The following RBPJ variants were observed in gnomAD, a reference collection of about 807,000 sequenced individuals.
RBPJ encodes recombination signal binding protein for immunoglobulin kappa J region.
A neutral mutation model predicts 67.8 loss-of-function variants in RBPJ; 9 were observed. The ratio of observed to expected loss-of-function variants is 0.13; its 90% CI spans 0.08 to 0.23. The LOEUF (loss-of-function observed/expected upper bound fraction) is 0.23. RBPJ is among the 10% of genes least tolerant of loss of function. The pLI is 1.00. For synonymous variants in RBPJ, 198 were observed against 203.3 expected (o/e 0.97, Z 0.22); for missense variants, 305 against 595.6 (o/e 0.51, Z 5.08).
intron 2 of RBPJ, among the ~76,000 whole-genome samples, chr4:26,393,996 A>G (rs1731826603): frequency 6.6e-6 from 1 of 151,808 alleles, no homozygotes; most frequent in Non-Finnish European, 1.5e-5. Flanking sequence ...CTCGTTAATA[A>G]TATATACTAT....
intron 1 of RBPJ, among the ~76,000 whole-genome samples, chr4:26,368,456 T>G (rs1728836973): frequency 6.6e-6 from 1 of 152,202 alleles, no homozygotes; most frequent in African/African-American, 2.4e-5. Context: ...TCATACTGGT[T>G]ATCCTGTTGG....
intron 2 of RBPJ, among the ~76,000 whole-genome samples, chr4:26,403,469 T>C (rs1459617457): frequency 6.6e-6 from 1 of 152,192 alleles, no homozygotes; most frequent in African/African-American, 2.4e-5. Context: ...GTTTGTTGAT[T>C]ATTTCATCAC....
chr4:26,238,929 A>G (rs920419837), intron 1 of RBPJ, among the ~76,000 whole-genome samples: 2 of 152,136 alleles, frequency 1.3e-5, no homozygotes, highest in Non-Finnish European at 2.9e-5. Context: ...ACAGAGATCA[A>G]CGCTCCAGGC....
At chr4:26,219,397 T>C (rs1176589720) in intron 1 of RBPJ, among the ~76,000 whole-genome samples, 1 of 152,172 alleles carries the variant, frequency 6.6e-6, no homozygotes, top group Non-Finnish European at 1.5e-5. Context: ...AAGGAAAATA[T>C]GTTGGTGCTA....
intron 1 of RBPJ, among the ~76,000 whole-genome samples, chr4:26,282,136 CTTTT>C (rs869155604): frequency 0.049 from 2,539 of 51,700 alleles, 23 homozygotes; most frequent in Middle Eastern, 0.19. Context: ...CTCTCTCTCT[CTTTT>C]TTTTTTTTTT....
intron 2 of RBPJ, among the ~76,000 whole-genome samples, chr4:26,397,060 T>C (rs1732193778): frequency 6.6e-6 from 1 of 152,250 alleles, no homozygotes; most frequent in South Asian, 2.1e-4. Flanking sequence ...TCTGGTCTAA[T>C]AGCTTGGAAA....
intron 1 of RBPJ, among the ~76,000 whole-genome samples, chr4:26,364,465 C>A (rs1560296280): frequency 1.3e-5 from 2 of 152,112 alleles, no homozygotes; most frequent in Non-Finnish European, 2.9e-5. Context: ...AAAATTGTTT[C>A]TTTATAATAC....
intron 1 of RBPJ, among the ~76,000 whole-genome samples, chr4:26,356,311 G>A (rs1410383957): frequency 2.0e-5 from 3 of 152,218 alleles, no homozygotes; most frequent in African/African-American, 7.2e-5. Flanking sequence ...GCTCTGTGTA[G>A]CTACTGCCAT....
chr4:26,322,739 C>T (rs912844347), intron 1 of RBPJ: 4 of 150,864 alleles, frequency 2.7e-5, no homozygotes, highest in Admixed American at 6.6e-5. Context: ...GTTAAAGAAC[C>T]CTTGAAGTGT....
the RBPJ span, among the ~76,000 whole-genome samples, chr4:26,150,394 A>G: frequency 1.3e-5 from 2 of 152,244 alleles, no homozygotes; most frequent in Admixed American, 6.5e-5. Flanking sequence ...TTTCACCCCC[A>G]CTGGGTGCAA....
Position 26,424,600 on chromosome 4 carries a change from A to T in RBPJ, c.635-31A>T, listed in dbSNP as rs775327189. 4 of 1,565,664 alleles carry T rather than the reference A, an allele frequency of 2.6e-6. No individual in the cohort carries two copies. The highest frequency in any genetic ancestry group is 3.7e-4 in the Middle Eastern group (2 of 5,406). Reference sequence around the variant, plus strand: ...ATCATAAAATAAATTTAAAAAGATGACAATTTGATTTATTTTTCCACCTAC... The same window carrying T: ...ATCATAAAATAAATTTAAAAAGATGTCAATTTGATTTATTTTTCCACCTAC... On this transcript the variant is annotated intron_variant, in intron 6 of 10. Coordinates refer to ENST00000355476, the MANE Select transcript of RBPJ (RefSeq NM_015874.6). The surrounding 1 kb of genome is among the most constrained non-coding windows in gnomAD (Gnocchi z 5.3).
At chr4:26,179,300 T>G (rs1716900608) in intron 1 of RBPJ, among the ~76,000 whole-genome samples, 2 of 151,246 alleles carry the variant, frequency 1.3e-5, no homozygotes, top group Admixed American at 1.3e-4. Flanking sequence ...CTGTGTTTTT[T>G]TTTTTTTTGA....
intron 1 of RBPJ, among the ~76,000 whole-genome samples, chr4:26,206,849 T>C (rs536607844): frequency 6.6e-6 from 1 of 152,146 alleles, no homozygotes; most frequent in African/African-American, 2.4e-5. Flanking sequence ...TTTTGGTCTT[T>C]TTTTTTCTGA....
the RBPJ span, among the ~76,000 whole-genome samples, chr4:26,156,320 A>T: frequency 6.6e-6 from 1 of 151,040 alleles, no homozygotes; most frequent in Non-Finnish European, 1.5e-5. Context: ...CAGGCTAAGG[A>T]TTTATCCAGG....
At chr4:26,113,297 T>C in the RBPJ span, 1 of 426,206 alleles carries the variant, frequency 2.3e-6, no homozygotes, top group Non-Finnish European at 4.6e-6. Context: ...TTTGGAAAGC[T>C]CACTGAGTGA....
chr4:26,244,273 A>ATGTGTG lies in RBPJ; in HGVS notation c.-167+80660_-167+80661insGTGTGT, dbSNP rs1719789874. 2.5e-4 allele frequency among the ~76,000 whole-genome samples: 3 copies of ATGTGTG among 12,102 alleles called. 1 individual carries two copies. Among genetic ancestry groups the ATGTGTG allele is most frequent in the African/African-American group, 3.0e-4 (1 of 3,346 alleles). 7.9% of individuals were successfully genotyped at this position (12,102 alleles called of 152,430 possible). A position where few individuals can be genotyped will look rare whatever the true frequency, so the allele number is the denominator to read the frequency against. ...TACACATACACATATGTGTACACAT[A>ATGTGTG]TATGTGTGTATATGTATACACATAT... is the stretch of plus-strand genomic sequence containing the variant. On this transcript the variant is annotated intron_variant, in intron 1 of 4. Coordinates refer to the RBPJ transcript ENST00000512351.
chr4:26,202,339 T>G (rs1577466960), intron 1 of RBPJ, among the ~76,000 whole-genome samples: 1 of 147,174 alleles, frequency 6.8e-6, no homozygotes, highest in Admixed American at 6.9e-5. Flanking sequence ...GACTCCAGGG[T>G]TTTTAGCCTA....
At chr4:26,161,851 C>A (rs770241697), upstream of RBPJ, among the ~76,000 whole-genome samples, 4 of 152,174 alleles carry the variant, frequency 2.6e-5, no homozygotes, top group Admixed American at 2.6e-4. Flanking sequence ...CCATTATTGA[C>A]CGTCACGACA....
intron 1 of RBPJ, among the ~76,000 whole-genome samples, chr4:26,204,033 C>T (rs1296167155): frequency 6.6e-6 from 1 of 152,152 alleles, no homozygotes; most frequent in African/African-American, 2.4e-5. Flanking sequence ...CAGCTTCAAC[C>T]TCCCAGGCTC....
Sources: allele counts gnomAD v4.1 joint callset (sites outside exome capture counted in the v4.1 genomes callset), GRCh38; gene constraint gnomAD v4.1.1; non-coding constraint Gnocchi (gnomAD v3.1); transcripts MANE v1.5; gene names NCBI Gene and HGNC (gene_info 2026-07-23, HGNC 2026-07-21).